The following C10orf67 variants were observed in gnomAD, a reference collection of about 807,000 sequenced individuals.
C10orf67 encodes chromosome 10 open reading frame 67.
In C10orf67, 60 loss-of-function variants were observed where a neutral mutation model predicts 35.6. The ratio of observed to expected loss-of-function variants is 1.68; its 90% CI spans 1.37 to 2.09. The LOEUF is 2.09. Among genes scored for constraint, C10orf67 ranks in the 30% most tolerant of loss-of-function variants. The probability of loss-of-function intolerance (pLI) is 0.00; values close to 1 mark genes in which losing one functional copy is unlikely to be tolerated. For missense variants in C10orf67, 474 were observed against 330.2 expected (o/e 1.44, Z -3.38); for synonymous variants, 167 against 115.8 (o/e 1.44, Z -2.84).
intron 1 of C10orf67, among the ~76,000 whole-genome samples, chr10:23,335,758 G>A (rs1353454841): frequency 1.3e-5 from 2 of 152,082 alleles, no homozygotes; most frequent in South Asian, 2.1e-4. Context: ...AAAAATATGC[G>A]ATATATTCTG....
chr10:23,281,516 C>A (rs536809035), intron 8 of C10orf67, among the ~76,000 whole-genome samples: 1 of 148,054 alleles, frequency 6.8e-6, no homozygotes, highest in Admixed American at 6.7e-5. Flanking sequence ...GCTGCTGTGG[C>A]GGGGCTGGGG....
intron 5 of C10orf67, among the ~76,000 whole-genome samples, chr10:23,302,835 CTG>C (rs147042283): frequency 3.9e-5 from 6 of 152,296 alleles, no homozygotes; most frequent in Non-Finnish European, 8.8e-5. Context: ...ACAGGAAAAA[CTG>C]AGGGGAAAAT....
Position 23,250,077 on chromosome 10 carries a change from T to G in C10orf67, c.1346+378A>C, listed in dbSNP as rs530988303. On this transcript the variant is annotated intron_variant, in intron 12 of 15. Transcript: ENST00000636213. ...GAGCTGTTGTGTCTGGTAGAGGATC[T>G]GATACATAAAGCAACTTTATAAAGA... is the stretch of plus-strand genomic sequence containing the variant. Among the ~76,000 whole-genome samples, 29 of 152,340 alleles carry G rather than the reference T, an allele frequency of 1.9e-4. No homozygotes were observed. In the South Asian group the frequency reaches 4.3e-3, roughly 23 times the overall value.
intron 10 of C10orf67, among the ~76,000 whole-genome samples, chr10:23,265,939 G>T (rs1436758197): frequency 6.6e-6 from 1 of 152,186 alleles, no homozygotes; most frequent in African/African-American, 2.4e-5. Flanking sequence ...TGATGACACT[G>T]GGCAGTAATG....
chr10:23,311,588 GT>G (rs1844497896), intron 4 of C10orf67, among the ~76,000 whole-genome samples: 1 of 152,124 alleles, frequency 6.6e-6, no homozygotes, highest in Admixed American at 6.5e-5. Context: ...TCACATGCCT[GT>G]AATCCCAGCT....
intron 13 of C10orf67, among the ~76,000 whole-genome samples, chr10:23,231,114 AT>A (rs991494855): frequency 7.3e-5 from 11 of 150,990 alleles, no homozygotes; most frequent in South Asian, 4.2e-4. Context: ...TGCCCAGCTG[AT>A]TTTTTTTTCT....
rs568239853 is a variant in C10orf67 at position 23,282,693 on chromosome 10, T to C, written c.910-615A>G. Among the ~76,000 whole-genome samples the C allele has an allele frequency of 9.2e-5, 14 of 152,128 alleles. 1 individual carries two copies. The South Asian group carries it at 1.2e-3, about 14-fold the overall frequency. ...TAAAAATACAAAAATTAGCTGGGCA[T>C]GGTGGCATGTGCCTGTAATCCAAGC... On this transcript the variant is annotated intron_variant, in intron 7 of 15. Coordinates refer to ENST00000636213, the MANE Select transcript of C10orf67 (RefSeq NM_001371909.1).
chr10:23,264,179 G>A (rs1842827275), intron 10 of C10orf67, among the ~76,000 whole-genome samples: 1 of 152,120 alleles, frequency 6.6e-6, no homozygotes, highest in African/African-American at 2.4e-5. Context: ...AGAGGAGCGG[G>A]AAAATTATAG....
chr10:23,338,290 A>G (rs939567141), intron 1 of C10orf67, among the ~76,000 whole-genome samples: 1 of 152,162 alleles, frequency 6.6e-6, no homozygotes, highest in African/African-American at 2.4e-5. Context: ...CAGGAGTTCA[A>G]CAATGTGGTT....
intron 2 of C10orf67, among the ~76,000 whole-genome samples, chr10:23,324,399 T>C (rs1845101954): frequency 6.6e-6 from 1 of 152,116 alleles, no homozygotes; most frequent in South Asian, 2.1e-4. Flanking sequence ...CAGATAACTC[T>C]CCTGGACAGG....
chr10:23,287,609 G>A (rs1843586241), intron 7 of C10orf67, among the ~76,000 whole-genome samples: 1 of 152,070 alleles, frequency 6.6e-6, no homozygotes, highest in Non-Finnish European at 1.5e-5. Flanking sequence ...TGCAACAAAA[G>A]CCAAAATTGA....
chr10:23,221,755 G>C (rs1040673188), intron 15 of C10orf67, among the ~76,000 whole-genome samples: 3 of 152,190 alleles, frequency 2.0e-5, no homozygotes, highest in Non-Finnish European at 4.4e-5. Context: ...TAGAAAATTA[G>C]TAATTCAGCT....
rs560068909 is a variant in C10orf67, at chr10:23,267,204, T to G, written c.1026A>C (p.Leu342Phe). The stretch of plus-strand genomic sequence containing the variant: ...AAACTTAAATACAAACCTTTACACT[T>G]AAGCTGCCATACTTTTTTCTCATTT... ...DKEMRKKYGSLSVKVARSAKG... is the reference protein window; with the variant it reads ...DKEMRKKYGSFSVKVARSAKG... Residue 342 changes from leucine to phenylalanine, a missense_variant, in exon 9 of 16, where the codon TTA (leucine) becomes TTC (phenylalanine). Leu to Phe is a conservative substitution (Grantham distance 22). Transcript: ENST00000636213. 104 of 715,756 alleles carry G rather than the reference T, an allele frequency of 1.5e-4. No individual in the cohort carries two copies. Among genetic ancestry groups the G allele is most frequent in the Non-Finnish European group, 2.5e-4 (96 of 384,686 alleles). 44.3% of individuals were successfully genotyped at this position (715,756 alleles called of 1,614,324 possible).
At chr10:23,340,349 C>CAAA (rs34098221) in intron 1 of C10orf67, among the ~76,000 whole-genome samples, 12 of 118,610 alleles carry the variant, frequency 1.0e-4, no homozygotes, top group African/African-American at 3.3e-4. Flanking sequence ...TACAAAAATA[C>CAAA]AAAAAAAAAA....
intron 8 of C10orf67, among the ~76,000 whole-genome samples, chr10:23,274,214 T>A (rs1354086405): frequency 6.6e-6 from 1 of 152,146 alleles, no homozygotes; most frequent in Non-Finnish European, 1.5e-5. Context: ...GAAATTAGAA[T>A]TACTGATGCA....
intron 12 of C10orf67, among the ~76,000 whole-genome samples, chr10:23,241,704 A>G (rs1842183231): frequency 6.6e-6 from 1 of 152,178 alleles, no homozygotes; most frequent in Non-Finnish European, 1.5e-5. Flanking sequence ...GGAGGATCAG[A>G]GTAGATAAGA....
chr10:23,282,249 T>G (rs530479273), intron 7 of C10orf67, among the ~76,000 whole-genome samples, 171 bp from the exon 8 acceptor site: 1 of 152,324 alleles, frequency 6.6e-6, no homozygotes, highest in South Asian at 2.1e-4. Flanking sequence ...TACGGAATTA[T>G]TATGCAAGCA....
chr10:23,301,988 A>G (rs971305828), intron 5 of C10orf67, among the ~76,000 whole-genome samples: 2 of 152,160 alleles, frequency 1.3e-5, no homozygotes, highest in Non-Finnish European at 2.9e-5. Context: ...AGAGGGATGG[A>G]AGTCAGCGGT....
At chr10:23,270,077 G>C (rs1228229148) in intron 8 of C10orf67, among the ~76,000 whole-genome samples, 1 of 152,118 alleles carries the variant, frequency 6.6e-6, no homozygotes, top group Non-Finnish European at 1.5e-5. Flanking sequence ...ACTATATACT[G>C]GGGGAGGGGC....
Sources: gnomAD v4.1 joint callset for allele counts (sites outside exome capture counted in the v4.1 genomes callset) on GRCh38, gnomAD v4.1.1 for gene constraint, MANE v1.5 for transcripts, NCBI Gene and HGNC (gene_info 2026-07-23, HGNC 2026-07-21) for gene names.